The following RAP1GDS1 variants were observed in gnomAD, a reference collection of about 807,000 sequenced individuals.
RAP1GDS1 encodes the protein Rap1 GTPase-GDP dissociation stimulator 1.
RAP1GDS1 carries 35 observed loss-of-function variants against 71.1 expected under a neutral mutation model. The ratio of observed to expected loss-of-function variants is 0.49; its 90% CI spans 0.38 to 0.65. The LOEUF (loss-of-function observed/expected upper bound fraction) is 0.65, where lower values mean the gene tolerates loss of function less well. Ranked by LOEUF, RAP1GDS1 falls within the 30% of genes least tolerant of loss-of-function variation. The pLI is 0.00. For missense variants in RAP1GDS1, 663 were observed against 706.1 expected (o/e 0.94, Z 0.69); for synonymous variants, 229 against 243.1 (o/e 0.94, Z 0.54).
At chr4:98,281,296 G>A (rs190781394) in intron 1 of RAP1GDS1, among the ~76,000 whole-genome samples, 27 of 152,200 alleles carry the variant, frequency 1.8e-4, no homozygotes, top group East Asian at 1.5e-3. Context: ...GTTGAGCAGC[G>A]GTTTGTAGTT....
At position 98,437,008 on chromosome 4, in the gene RAP1GDS1, A is replaced by G. The variant is rs1442114939; in HGVS notation, c.1636A>G (p.Arg546Gly). 3.1e-6 allele frequency: 5 copies of G among 1,612,826 alleles called. No homozygotes were observed. Among genetic ancestry groups the G allele is most frequent in the Non-Finnish European group, 4.2e-6 (5 of 1,179,692 alleles). ...QILHRLLADE[R>G]SAPEIKYNSM... Reference sequence around the variant, plus strand: ...TTTACATAGACTGCTAGCAGATGAGAGAAGTGCTCCTGAAATCAAATATAA... The same window carrying G: ...TTTACATAGACTGCTAGCAGATGAGGGAAGTGCTCCTGAAATCAAATATAA... Residue 546 changes from arginine to glycine, a missense_variant, in exon 14 of 15, where the codon AGA becomes GGA. Transcript: ENST00000408927.
At chr4:98,369,000 C>T (rs550564560) in intron 4 of RAP1GDS1, among the ~76,000 whole-genome samples, 26 of 152,288 alleles carry the variant, frequency 1.7e-4, no homozygotes, top group African/African-American at 5.3e-4. Context: ...CACAGTTTCA[C>T]ATGACTGGGA....
Position 98,271,701 on chromosome 4 carries a change from TA to T in RAP1GDS1, c.4+10133del, listed in dbSNP as rs372828867. Among the ~76,000 whole-genome samples, 204 of 152,304 alleles carry T rather than the reference TA, an allele frequency of 1.3e-3. 3 individuals are homozygous for T. Among genetic ancestry groups the T allele is most frequent in the African/African-American group, 3.8e-3 (158 of 41,570 alleles). On this transcript the variant is annotated intron_variant, in intron 1 of 14. Transcript: ENST00000408927. ...AATAATTATATCTCATGGGGTAGTA[TA>T]GGGGGCTGTATACCATTGAGTTCAT... is the stretch of plus-strand genomic sequence containing the variant.
intron 14 of RAP1GDS1, among the ~76,000 whole-genome samples, chr4:98,438,426 T>C (rs1454543759): frequency 3.3e-5 from 5 of 151,598 alleles, no homozygotes; most frequent in Non-Finnish European, 7.4e-5. Context: ...CCCTTTTGTG[T>C]ATTTAGACCA....
At chr4:98,306,207 T>A (rs1729303855) in intron 2 of RAP1GDS1, among the ~76,000 whole-genome samples, 1 of 152,192 alleles carries the variant, frequency 6.6e-6, no homozygotes, top group Admixed American at 6.6e-5. Context: ...TATAACAGAA[T>A]ACCACACACC....
chr4:98,413,610 A>C lies in RAP1GDS1; in HGVS notation c.764-3135A>C, dbSNP rs949741039. Among the ~76,000 whole-genome samples, 10 of 151,340 alleles carry C rather than the reference A, an allele frequency of 6.6e-5. No individual in the cohort carries two copies. In the East Asian group the frequency reaches 1.7e-3, roughly 26 times the overall value. On this transcript the variant is annotated intron_variant, in intron 7 of 14. Transcript: ENST00000408927. ...TATATGTGCCACATTTTCTTAATCC[A>C]GTCTATCATTGTTGGACATTTGGGT...
At chr4:98,335,550 GTTT>G (rs33949671) in intron 2 of RAP1GDS1, among the ~76,000 whole-genome samples, 3 of 148,586 alleles carry the variant, frequency 2.0e-5, no homozygotes, top group African/African-American at 4.9e-5. Context: ...ATATGAAAAA[GTTT>G]TTTTTTTATT....
chr4:98,269,006 G>A (rs1723070399), intron 1 of RAP1GDS1, among the ~76,000 whole-genome samples: 1 of 151,858 alleles, frequency 6.6e-6, no homozygotes, highest in South Asian at 2.1e-4. Flanking sequence ...GAATAATCTT[G>A]AGCAAGAAGA....
intron 1 of RAP1GDS1, among the ~76,000 whole-genome samples, chr4:98,286,547 AGAGT>A (rs1284705207): frequency 3.9e-5 from 6 of 152,140 alleles, no homozygotes; most frequent in Non-Finnish European, 7.4e-5. Context: ...AAGTAAGACT[AGAGT>A]GTTTCTATTT....
chr4:98,400,846 T>A (rs1316168823), intron 6 of RAP1GDS1, among the ~76,000 whole-genome samples: 1 of 152,182 alleles, frequency 6.6e-6, no homozygotes, highest in Non-Finnish European at 1.5e-5. Context: ...GTCAAATAAT[T>A]ACACTTTTTT....
In RAP1GDS1 at chr4:98,416,334, G is replaced by GTTT. The variant is rs70955932; in HGVS notation, c.764-383_764-381dup. ...ATTATCTAAATCATGCATTTTCTTAGTTTTTTTTTTTTTTTTTTTTTTTTT... is the reference window on the plus strand; with the variant it reads ...ATTATCTAAATCATGCATTTTCTTAGTTTTTTTTTTTTTTTTTTTTTTTTTTTT... On this transcript the variant is annotated intron_variant, in intron 7 of 14. Coordinates refer to ENST00000408927, the MANE Select transcript of RAP1GDS1 (RefSeq NM_001100427.2). 6.0e-3 allele frequency among the ~76,000 whole-genome samples: 310 copies of GTTT among 51,576 alleles called. 75 individuals are homozygous for GTTT. Among genetic ancestry groups the GTTT allele is most frequent in the African/African-American group, 7.8e-3 (90 of 11,486 alleles). The allele number at this position is 51,576 out of a possible 152,430, so 33.8% of individuals were successfully genotyped here. A position where few individuals can be genotyped will look rare whatever the true frequency, so the allele number is the denominator to read the frequency against.
At chr4:98,358,085 G>GA (rs1206306687) in intron 4 of RAP1GDS1, among the ~76,000 whole-genome samples, 1 of 151,928 alleles carries the variant, frequency 6.6e-6, no homozygotes, top group East Asian at 1.9e-4. Flanking sequence ...CAGCCTATGT[G>GA]AAAAAACAAC....
intron 2 of RAP1GDS1, among the ~76,000 whole-genome samples, chr4:98,325,247 G>T (rs1367291907): frequency 6.7e-6 from 1 of 148,688 alleles, no homozygotes; most frequent in South Asian, 2.2e-4. Flanking sequence ...AGTTAGAATG[G>T]CAATCATTAA....
chr4:98,381,857 G>A (rs1742071026), intron 5 of RAP1GDS1, among the ~76,000 whole-genome samples: 1 of 151,168 alleles, frequency 6.6e-6, no homozygotes, highest in South Asian at 2.1e-4. Flanking sequence ...TACTGAGAGT[G>A]GTCACAAAAA....
intron 4 of RAP1GDS1, among the ~76,000 whole-genome samples, chr4:98,374,999 A>G (rs1740956501): frequency 1.3e-5 from 2 of 152,190 alleles, no homozygotes; most frequent in South Asian, 2.1e-4. Flanking sequence ...ATTATATTCT[A>G]TTATATGGAG....
chr4:98,302,695 T>C (rs755149033), intron 2 of RAP1GDS1, among the ~76,000 whole-genome samples: 6 of 151,960 alleles, frequency 3.9e-5, no homozygotes, highest in Non-Finnish European at 5.9e-5. Flanking sequence ...ACTTTAAAGA[T>C]AAAAACAAAT....
intron 4 of RAP1GDS1, among the ~76,000 whole-genome samples, chr4:98,356,168 T>G (rs1737941370): frequency 6.6e-6 from 1 of 152,252 alleles, no homozygotes; most frequent in African/African-American, 2.4e-5. Flanking sequence ...AATCAAAATA[T>G]GTGCGATTGA....
At chr4:98,433,045 A>T (rs1252185784) in intron 12 of RAP1GDS1, among the ~76,000 whole-genome samples, 7 of 152,154 alleles carry the variant, frequency 4.6e-5, no homozygotes, top group Admixed American at 2.6e-4. Flanking sequence ...TAATTTGCTC[A>T]GTCAGTGGGA....
intron 5 of RAP1GDS1, among the ~76,000 whole-genome samples, chr4:98,391,353 A>ACTT (rs1743631828): frequency 6.6e-6 from 1 of 152,148 alleles, no homozygotes; most frequent in Admixed American, 6.6e-5. Context: ...ATTAAATAAA[A>ACTT]CTTTAAAAAG....
Sources: gnomAD v4.1 joint callset for allele counts (sites outside exome capture counted in the v4.1 genomes callset) on GRCh38, gnomAD v4.1.1 for gene constraint, MANE v1.5 for transcripts, NCBI Gene and HGNC (gene_info 2026-07-23, HGNC 2026-07-21) for gene names.